The following SH3KBP1 variants were observed in gnomAD, a reference collection of about 807,000 sequenced individuals.
SH3KBP1 encodes the protein SH3 domain-containing kinase-binding protein 1.
Under a neutral mutation model 50.1 loss-of-function variants are expected in SH3KBP1, and 8 were observed. That is an observed-to-expected ratio of 0.16 (90% CI 0.09 to 0.29). The LOEUF (loss-of-function observed/expected upper bound fraction) is 0.29, where lower values mean the gene tolerates loss of function less well. Among genes scored for constraint, SH3KBP1 ranks in the 10% least tolerant of loss-of-function variants. SH3KBP1 has a pLI of 1.00. For synonymous variants in SH3KBP1, 227 were observed against 218.6 expected, an observed-to-expected ratio of 1.04 and a Z score of -0.34; for missense variants, 377 against 535.2, an observed-to-expected ratio of 0.70 and a Z score of 2.92.
chrX:19,558,011 G>A (rs1036220304), intron 13 of SH3KBP1, among the ~76,000 whole-genome samples: 10 of 112,252 alleles, frequency 8.9e-5, no homozygotes, highest in African/African-American at 3.2e-4. Flanking sequence ...TTGATGACAA[G>A]CAATGCTAAG....
At chrX:19,770,303 T>C (rs1231857952) in intron 2 of SH3KBP1, among the ~76,000 whole-genome samples, 1 of 112,224 alleles carries the variant, frequency 8.9e-6, no homozygotes, top group African/African-American at 3.2e-5. Context: ...TTTGGTTTTC[T>C]GTTCCTGTGT....
intron 17 of SH3KBP1, among the ~76,000 whole-genome samples, chrX:19,537,463 GA>G (rs367732402): frequency 0.029 from 1,929 of 66,708 alleles, 43 homozygotes; most frequent in African/African-American, 0.066. Flanking sequence ...GTCTCAAAAA[GA>G]AAAAAAAAAA....
chrX:19,729,217 G>A (rs1247918108), intron 3 of SH3KBP1, among the ~76,000 whole-genome samples: 6 of 113,128 alleles, frequency 5.3e-5, no homozygotes, highest in African/African-American at 1.9e-4. Context: ...AGGGGAGGCC[G>A]TCCAGGCCTG....
chrX:19,554,879 A>G, intron 13 of SH3KBP1, among the ~76,000 whole-genome samples: 1 of 112,997 alleles, frequency 8.8e-6, no homozygotes, highest in Admixed American at 9.3e-5. Context: ...ATGAACTGTA[A>G]TGCATTTCTG....
At position 19,746,461 on chromosome X, in the gene SH3KBP1, G is replaced by C; in HGVS notation, c.163-20C>G. 2 of 1,186,039 alleles carry C rather than the reference G, an allele frequency of 1.7e-6. No homozygotes were observed. The highest frequency in any genetic ancestry group is 1.1e-6 in the Non-Finnish European group (1 of 882,857). The stretch of plus-strand genomic sequence containing the variant: ...TATTTCCTGTGAGGACAGATAAAAG[G>C]AAAACAAGATTATAGTTTGAAACTT... On this transcript the variant is annotated intron_variant, in intron 2 of 17. Transcript: ENST00000397821.
chrX:19,755,490 A>G (rs1231473494), intron 2 of SH3KBP1, among the ~76,000 whole-genome samples: 1 of 112,204 alleles, frequency 8.9e-6, no homozygotes, highest in Non-Finnish European at 1.9e-5. Context: ...TGCCTCTTCT[A>G]TAAAGAGAGC....
chrX:19,792,912 A>G (rs2147185989), intron 2 of SH3KBP1, among the ~76,000 whole-genome samples: 1 of 110,326 alleles, frequency 9.1e-6, no homozygotes, highest in African/African-American at 3.3e-5. Context: ...GGCTCAAAAT[A>G]TCAACAGTGC....
At chrX:19,571,368 A>C (rs1355024566) in intron 12 of SH3KBP1, among the ~76,000 whole-genome samples, 1 of 111,788 alleles carries the variant, frequency 8.9e-6, no homozygotes, top group Non-Finnish European at 1.9e-5. Context: ...AGGTTTCCAC[A>C]GCAGACTCCC....
intron 2 of SH3KBP1, among the ~76,000 whole-genome samples, chrX:19,801,582 T>G (rs1306316799): frequency 9.0e-6 from 1 of 110,930 alleles, no homozygotes; most frequent in Non-Finnish European, 1.9e-5. Context: ...ATTACAAAGG[T>G]GAGTGGTTGC....
At chrX:19,616,427 A>G (rs1050569007) in intron 8 of SH3KBP1, among the ~76,000 whole-genome samples, 1 of 111,921 alleles carries the variant, frequency 8.9e-6, no homozygotes, top group African/African-American at 3.3e-5. Flanking sequence ...AACTGGGTGG[A>G]TAACACACAA....
intron 8 of SH3KBP1, among the ~76,000 whole-genome samples, chrX:19,628,461 G>A (rs774488919): frequency 1.8e-5 from 2 of 111,390 alleles, no homozygotes; most frequent in South Asian, 3.8e-4. Flanking sequence ...CAACATGCCC[G>A]AAAAGACACA....
chrX:19,572,251 G>A, intron 12 of SH3KBP1, among the ~76,000 whole-genome samples: 1 of 104,757 alleles, frequency 9.5e-6, no homozygotes, highest in Admixed American at 1.1e-4. Flanking sequence ...GTTATATAGA[G>A]TACATATATG....
intron 8 of SH3KBP1, among the ~76,000 whole-genome samples, chrX:19,617,276 T>G (rs1265955691): frequency 8.9e-6 from 1 of 112,601 alleles, no homozygotes; most frequent in East Asian, 2.8e-4. Context: ...AAACAGCCAC[T>G]TTGTATGTTT....
chrX:19,838,091 AC>A (rs1485913076), intron 1 of SH3KBP1, among the ~76,000 whole-genome samples: 41 of 108,676 alleles, frequency 3.8e-4, no homozygotes, highest in Middle Eastern at 9.5e-3. Context: ...AACAACAACA[AC>A]AACAACAAAC....
rs754118022 is a variant in SH3KBP1 at position 19,860,263 on chromosome X, C to T, written c.5-23981G>A. On this transcript the variant is annotated intron_variant, in intron 1 of 17. Coordinates refer to ENST00000397821, the MANE Select transcript of SH3KBP1 (RefSeq NM_031892.3). ...TGACTGCACTCCAGCCTAGGCAACA[C>T]AGTGAGATCCCACCTCTAAAAAAAA... 4.2e-5 allele frequency among the ~76,000 whole-genome samples: 3 copies of T among 72,211 alleles called. No individual in the cohort carries two copies. In the South Asian group the frequency reaches 2.5e-3, roughly 61 times the overall value. The allele number at this position is 72,211 out of a possible 115,157, so 62.7% of individuals were successfully genotyped here.
At chrX:19,631,984 CT>C in intron 7 of SH3KBP1, 26 bp from the exon 8 acceptor site, 1 of 956,207 alleles carries the variant, frequency 1.0e-6, no homozygotes, top group Non-Finnish European at 1.5e-6. Flanking sequence ...AAAACATAAC[CT>C]TTAAAATGCT....
At position 19,713,927 on chromosome X, in the gene SH3KBP1, GC is replaced by G. The variant is rs1177671996; in HGVS notation, c.287-6944del. 2.7e-5 allele frequency among the ~76,000 whole-genome samples: 3 copies of G among 111,829 alleles called. No homozygotes were observed. The East Asian group carries it at 8.3e-4, about 31-fold the overall frequency. On this transcript the variant is annotated intron_variant, in intron 3 of 17. Coordinates refer to ENST00000397821, the MANE Select transcript of SH3KBP1 (RefSeq NM_031892.3). ...GCACTATTCACAGTAGCAAAGATAT[GC>G]AATCAACTTAAGTGTCCATCAACAG...
intron 3 of SH3KBP1, among the ~76,000 whole-genome samples, chrX:19,715,245 G>A (rs1255713788): frequency 9.8e-6 from 1 of 102,149 alleles, no homozygotes; most frequent in Non-Finnish European, 2.0e-5. Context: ...CTGCACTCCA[G>A]CCTGGGCGAC....
intron 6 of SH3KBP1, among the ~76,000 whole-genome samples, chrX:19,671,494 G>A (rs140182282): frequency 0.022 from 2,494 of 111,225 alleles, 84 homozygotes; most frequent in African/African-American, 0.078. Flanking sequence ...ATGTCATCAG[G>A]AGCATCCTAA....
Sources: gnomAD v4.1 joint callset for allele counts (sites outside exome capture counted in the v4.1 genomes callset) on GRCh38, gnomAD v4.1.1 for gene constraint, MANE v1.5 for transcripts, NCBI Gene and HGNC (gene_info 2026-07-23, HGNC 2026-07-21) for gene names.